AGBL4: variants seen among roughly 807,000 people sequenced by gnomAD.
AGBL4 encodes the protein cytosolic carboxypeptidase 6.
Under a neutral mutation model 66.4 loss-of-function variants are expected in AGBL4, and 58 were observed. That is an observed-to-expected ratio of 0.87 (90% CI 0.71 to 1.09). The LOEUF (loss-of-function observed/expected upper bound fraction) is 1.09, where lower values mean the gene tolerates loss of function less well. AGBL4 is among the 50% of genes least tolerant of loss of function. AGBL4 has a pLI of 0.00. For synonymous variants in AGBL4, 234 were observed against 222.9 expected, an observed-to-expected ratio of 1.05 and a Z score of -0.44; for missense variants, 579 against 631.0, an observed-to-expected ratio of 0.92 and a Z score of 0.88.
intron 6 of AGBL4, among the ~76,000 whole-genome samples, chr1:48,782,939 CCAACCCTTG>C (rs1645331167): frequency 6.6e-6 from 1 of 152,174 alleles, no homozygotes; most frequent in African/African-American, 2.4e-5. Flanking sequence ...CTCAGCAGCC[CCAACCCTTG>C]CAACCACTGA....
At chr1:49,334,878 T>C (rs1645402562) in intron 3 of AGBL4, among the ~76,000 whole-genome samples, 1 of 152,214 alleles carries the variant, frequency 6.6e-6, no homozygotes, top group Non-Finnish European at 1.5e-5. Flanking sequence ...CAGATTTTAT[T>C]GCTGAGCCTG....
chr1:50,012,723 A>G (rs1228920264), intron 1 of AGBL4, among the ~76,000 whole-genome samples: 1 of 152,184 alleles, frequency 6.6e-6, no homozygotes, highest in Non-Finnish European at 1.5e-5. Context: ...TCATTCCCAG[A>G]GCTTTTTAAG....
intron 1 of AGBL4, among the ~76,000 whole-genome samples, chr1:49,855,526 T>G (rs1363337819): frequency 6.6e-6 from 1 of 152,044 alleles, no homozygotes; most frequent in East Asian, 1.9e-4. Context: ...TCAAGAAATT[T>G]CAAAAAATCA....
intron 1 of AGBL4, among the ~76,000 whole-genome samples, chr1:49,913,079 TA>T (rs1651019986): frequency 2.0e-5 from 3 of 152,214 alleles, no homozygotes; most frequent in African/African-American, 7.2e-5. Flanking sequence ...CCTTTGCACA[TA>T]CAAAATACAT....
chr1:49,466,091 C>A (rs1012545768), intron 3 of AGBL4, among the ~76,000 whole-genome samples: 5 of 151,844 alleles, frequency 3.3e-5, no homozygotes, highest in Non-Finnish European at 5.9e-5. Context: ...ATATCTGAAT[C>A]ATTTCAATTA....
intron 4 of AGBL4, among the ~76,000 whole-genome samples, chr1:49,215,395 C>G (rs901125883): frequency 6.6e-6 from 1 of 152,106 alleles, no homozygotes; most frequent in Non-Finnish European, 1.5e-5. Context: ...GATGATCACT[C>G]CTCAAAGATG....
intron 5 of AGBL4, among the ~76,000 whole-genome samples, chr1:49,043,026 G>A (rs1366097807): frequency 1.3e-5 from 2 of 152,078 alleles, no homozygotes; most frequent in African/African-American, 4.8e-5. Context: ...TGCCTTAAAT[G>A]TTATGAGTAA....
intron 3 of AGBL4, among the ~76,000 whole-genome samples, chr1:49,348,652 T>C (rs1342688263): frequency 2.0e-5 from 3 of 152,204 alleles, no homozygotes; most frequent in Non-Finnish European, 4.4e-5. Flanking sequence ...GGCCCAATTA[T>C]ATGGATTTCA....
At chr1:49,096,689 T>C (rs1645110578) in intron 4 of AGBL4, among the ~76,000 whole-genome samples, 1 of 87,216 alleles carries the variant, frequency 1.1e-5, no homozygotes, top group Admixed American at 1.9e-4. Context: ...GGGCCTGTTA[T>C]GGGGTGGGGG....
chr1:50,014,627 C>T (rs1456999863), intron 1 of AGBL4, among the ~76,000 whole-genome samples: 11 of 147,904 alleles, frequency 7.4e-5, no homozygotes. Flanking sequence ...CAGGCTCAAG[C>T]AATTCTCCTG....
intron 2 of AGBL4, among the ~76,000 whole-genome samples, chr1:49,836,184 T>C (rs1419217365): frequency 6.6e-6 from 1 of 152,200 alleles, no homozygotes; most frequent in African/African-American, 2.4e-5. Flanking sequence ...CCAACTTGGT[T>C]CCATTCTCCC....
At chr1:49,917,490 C>T (rs900336657) in intron 1 of AGBL4, among the ~76,000 whole-genome samples, 2 of 151,930 alleles carry the variant, frequency 1.3e-5, no homozygotes, top group South Asian at 2.1e-4. Context: ...ACAAAGAAGG[C>T]CATTACATAA....
At chr1:49,892,372 A>G (rs1423172579) in intron 1 of AGBL4, among the ~76,000 whole-genome samples, 1 of 152,184 alleles carries the variant, frequency 6.6e-6, no homozygotes, top group African/African-American at 2.4e-5. Flanking sequence ...AATTCCAATC[A>G]TTCCCACTAT....
intron 3 of AGBL4, among the ~76,000 whole-genome samples, chr1:49,473,022 T>A (rs970497138): frequency 6.6e-6 from 1 of 152,080 alleles, no homozygotes; most frequent in Non-Finnish European, 1.5e-5. Flanking sequence ...GGCTGTTGTA[T>A]ATGTATCCTA....
At chr1:48,630,509 C>T (rs1362192614) in intron 9 of AGBL4, among the ~76,000 whole-genome samples, 1 of 152,142 alleles carries the variant, frequency 6.6e-6, no homozygotes, top group Non-Finnish European at 1.5e-5. Flanking sequence ...TCATGCAAGA[C>T]TCCTTCCTCT....
At chr1:48,543,529 G>A (rs141871555) in intron 11 of AGBL4, among the ~76,000 whole-genome samples, 3 of 152,208 alleles carry the variant, frequency 2.0e-5, no homozygotes, top group Non-Finnish European at 4.4e-5. Flanking sequence ...GTAGGTCATA[G>A]TGGAAAGGAC....
chr1:49,778,321 C>A (rs769666499), intron 2 of AGBL4, among the ~76,000 whole-genome samples: 3 of 152,162 alleles, frequency 2.0e-5, no homozygotes, highest in Non-Finnish European at 4.4e-5. Context: ...TCTCCTCACC[C>A]GCAGCCCTGA....
chr1:48,558,797 A>G (rs1644357574), intron 11 of AGBL4, among the ~76,000 whole-genome samples: 1 of 152,154 alleles, frequency 6.6e-6, no homozygotes, highest in Non-Finnish European at 1.5e-5. Flanking sequence ...TGGACTTTTG[A>G]GTTTTATGAG....
At chr1:49,735,753 C>T (rs1421685454) in intron 2 of AGBL4, among the ~76,000 whole-genome samples, 4 of 151,674 alleles carry the variant, frequency 2.6e-5, no homozygotes, top group Non-Finnish European at 4.4e-5. Flanking sequence ...AAAAAGAATC[C>T]GTAAAAAAAG....
Sources: allele counts gnomAD v4.1 joint callset (sites outside exome capture counted in the v4.1 genomes callset), GRCh38; gene constraint gnomAD v4.1.1; transcripts MANE v1.5; gene names NCBI Gene and HGNC (gene_info 2026-07-23, HGNC 2026-07-21).